The following SLC36A1 variants were observed in gnomAD, a reference collection of about 807,000 sequenced individuals.
The protein encoded by SLC36A1 is proton-coupled amino acid transporter 1.
A neutral mutation model predicts 47.5 loss-of-function variants in SLC36A1; 30 were observed. That is an observed-to-expected ratio of 0.63 (90% CI 0.47 to 0.86). SLC36A1 has a LOEUF of 0.86. SLC36A1 is among the 40% of genes least tolerant of loss of function. The pLI is 0.00. For missense variants in SLC36A1, 517 were observed against 606.0 expected (o/e 0.85, Z 1.54); for synonymous variants, 255 against 249.7 (o/e 1.02, Z -0.20).
chr5:151,542,350 G>T, the SLC36A1 span: 1 of 1,613,912 alleles, frequency 6.2e-7, no homozygotes, highest in Non-Finnish European at 8.5e-7. Flanking sequence ...CTTTAGAGTC[G>T]CCACCAGTTC....
chr5:151,528,849 C>A, the SLC36A1 span, among the ~76,000 whole-genome samples: 1 of 152,194 alleles, frequency 6.6e-6, no homozygotes, highest in Non-Finnish European at 1.5e-5. Flanking sequence ...TATGACCAGG[C>A]CCTTCCCAGG....
At chr5:151,551,350 TA>T in the SLC36A1 span, 2 of 1,101,728 alleles carry the variant, frequency 1.8e-6, no homozygotes, top group African/African-American at 1.6e-5. Context: ...ACTTTGATTC[TA>T]AATTCAGTGT....
At chr5:151,501,876 C>G in the SLC36A1 span, among the ~76,000 whole-genome samples, 1 of 148,026 alleles carries the variant, frequency 6.8e-6, no homozygotes, top group Non-Finnish European at 1.5e-5. Flanking sequence ...GGACCATAGA[C>G]CTAAATGTAA....
the SLC36A1 span, among the ~76,000 whole-genome samples, chr5:151,376,637 A>AT: frequency 6.6e-6 from 1 of 151,238 alleles, no homozygotes; most frequent in African/African-American, 2.5e-5. Context: ...TCATTTCAAA[A>AT]ATTTTTTTTT....
At chr5:151,368,035 C>G in the SLC36A1 span, among the ~76,000 whole-genome samples, 1 of 152,222 alleles carries the variant, frequency 6.6e-6, no homozygotes, top group Non-Finnish European at 1.5e-5. Flanking sequence ...ACCTGTTTAA[C>G]TAGGCCAAAT....
chr5:151,430,331 A>ATTTTTTTTTTT, the SLC36A1 span, among the ~76,000 whole-genome samples: 6 of 117,520 alleles, frequency 5.1e-5, no homozygotes, highest in South Asian at 8.6e-4. Flanking sequence ...CACCTGGCTA[A>ATTTTTTTTTTT]TTTTTTTTTT....
rs1581233920 is a variant in SLC36A1 at position 151,488,454 on chromosome 5, T to C, written c.*200T>C. On this transcript the variant is annotated 3_prime_UTR_variant, in exon 11 of 11. Coordinates refer to ENST00000243389, the MANE Select transcript of SLC36A1 (RefSeq NM_078483.4). ...TGGGGTGGCAGACACGCAGAAGTGC[T>C]ACTAGTGACAGGGCTGCCATCGCTC... 4 of 649,956 alleles carry C rather than the reference T, an allele frequency of 6.2e-6. No homozygotes were observed. The highest frequency in any genetic ancestry group is 6.0e-5 in the South Asian group (3 of 50,354). The allele number at this position is 649,956 out of a possible 1,614,324, so 40.3% of individuals were successfully genotyped here. A position where few individuals can be genotyped will look rare whatever the true frequency, so the allele number is the denominator to read the frequency against.
At chr5:151,378,132 C>T in the SLC36A1 span, 1 of 331,328 alleles carries the variant, frequency 3.0e-6, no homozygotes, top group Non-Finnish European at 6.0e-6. Flanking sequence ...ATTGATGTCT[C>T]CATGCAAGAA....
the SLC36A1 span, among the ~76,000 whole-genome samples, chr5:151,348,866 G>T: frequency 6.6e-6 from 1 of 152,146 alleles, no homozygotes; most frequent in African/African-American, 2.4e-5. Flanking sequence ...TGTTTTGTTT[G>T]TTTGTTTTTT....
At chr5:151,540,182 A>C in the SLC36A1 span, among the ~76,000 whole-genome samples, 1 of 152,088 alleles carries the variant, frequency 6.6e-6, no homozygotes, top group African/African-American at 2.4e-5. Flanking sequence ...AGGGGGAGAG[A>C]TGTGGGCCAT....
the SLC36A1 span, chr5:151,504,917 G>A: frequency 6.5e-6 from 1 of 152,750 alleles, no homozygotes; most frequent in Non-Finnish European, 1.5e-5. Flanking sequence ...AGGCCTGGTG[G>A]TGCTCCTCGG....
chr5:151,549,273 A>G, the SLC36A1 span: 90 of 1,609,204 alleles, frequency 5.6e-5, no homozygotes, highest in Non-Finnish European at 5.6e-5. Flanking sequence ...CCATCCTCTG[A>G]GCTCATGGCC....
At chr5:151,395,621 G>A in the SLC36A1 span, among the ~76,000 whole-genome samples, 3 of 152,126 alleles carry the variant, frequency 2.0e-5, no homozygotes, top group African/African-American at 4.8e-5. Context: ...AATGTGAGTT[G>A]GTGTGTGTGC....
the SLC36A1 span, among the ~76,000 whole-genome samples, chr5:151,514,490 C>T: frequency 6.6e-6 from 1 of 152,226 alleles, no homozygotes; most frequent in Non-Finnish European, 1.5e-5. Context: ...GCTAACTCTC[C>T]ACCTGCTCTA....
At chr5:151,541,299 A>G in the SLC36A1 span, among the ~76,000 whole-genome samples, 1 of 152,364 alleles carries the variant, frequency 6.6e-6, no homozygotes, top group Non-Finnish European at 1.5e-5. Context: ...AGATCCTAAG[A>G]TTCCAGAGTT....
intron 1 of SLC36A1, among the ~76,000 whole-genome samples, chr5:151,438,543 A>C (rs1759913037): frequency 1.3e-5 from 2 of 152,228 alleles, no homozygotes; most frequent in African/African-American, 4.8e-5. Context: ...TAATGTGTTT[A>C]AAGCTTGTTC....
the SLC36A1 span, chr5:151,525,926 G>C: frequency 6.2e-7 from 1 of 1,614,198 alleles, no homozygotes; most frequent in Non-Finnish European, 8.5e-7. Context: ...GGGTCACTCA[G>C]GATCAGCTGC....
At chr5:151,366,635 G>T in the SLC36A1 span, 1 of 161,118 alleles carries the variant, frequency 6.2e-6, no homozygotes, top group South Asian at 1.6e-4. Flanking sequence ...ATGCCCAGAT[G>T]GGGGATGAGG....
the SLC36A1 span, among the ~76,000 whole-genome samples, chr5:151,531,170 G>A: frequency 1.3e-5 from 2 of 152,206 alleles, no homozygotes; most frequent in Non-Finnish European, 2.9e-5. The surrounding 1 kb of genome is among the most constrained non-coding windows in gnomAD (Gnocchi z 5.7). Context: ...TGGAGTGGAT[G>A]TGGGGACTCC....
Sources: allele counts gnomAD v4.1 joint callset (sites outside exome capture counted in the v4.1 genomes callset), GRCh38; gene constraint gnomAD v4.1.1; non-coding constraint Gnocchi (gnomAD v3.1); transcripts MANE v1.5; gene names NCBI Gene and HGNC (gene_info 2026-07-23, HGNC 2026-07-21).